HEATR1: variants seen among roughly 807,000 people sequenced by gnomAD.
HEATR1 encodes the protein HEAT repeat-containing protein 1.
HEATR1 carries 77 observed loss-of-function variants against 248.2 expected under a neutral mutation model. The observed-to-expected ratio is 0.31, with a 90% CI of 0.26 to 0.37. The LOEUF (loss-of-function observed/expected upper bound fraction) is 0.37. Among genes scored for constraint, HEATR1 ranks in the 10% least tolerant of loss-of-function variants. The pLI is 1.00. For synonymous variants in HEATR1, 897 were observed against 923.1 expected, an observed-to-expected ratio of 0.97 and a Z score of 0.51; for missense variants, 2,420 against 2,504.9, an observed-to-expected ratio of 0.97 and a Z score of 0.72.
chr1:236,558,501 T>G lies in HEATR1; in HGVS notation c.4940A>C (p.Asp1647Ala). The G allele has an allele frequency of 6.2e-7, 1 of 1,613,354 alleles. No individual in the cohort carries two copies. The highest frequency in any genetic ancestry group is 8.5e-7 in the Non-Finnish European group (1 of 1,179,392). Residue 1647 changes from aspartate to alanine, a missense_variant, in exon 36 of 45, where the codon GAC (aspartate) becomes GCC (alanine). Coordinates refer to ENST00000366582, the MANE Select transcript of HEATR1 (RefSeq NM_018072.6). ...CTTACGCTGCACAATGGCCAAAAGG[T>G]CTGGAACCAGTTTTAGGAAACGGGT... Reference protein sequence around the residue: ...IVTRFLKLVPDLLAIVQRKKK... With the variant: ...IVTRFLKLVPALLAIVQRKKK...
rs115889169 is a variant in HEATR1 at position 236,576,061 on chromosome 1, T to C, written c.3084+158A>G. 5.1e-3 allele frequency among the ~76,000 whole-genome samples: 784 copies of C among 152,300 alleles called. 4 individuals carry two copies. The highest frequency in any genetic ancestry group is 0.018 in the African/African-American group (753 of 41,562). ...TGTCTTTGTATCTTGTATCTGTTTT[T>C]CTCTACCTCAACTCATCCCCCTCTC... is the stretch of plus-strand genomic sequence containing the variant. On this transcript the variant is annotated intron_variant, in intron 22 of 44. Coordinates refer to ENST00000366582, the MANE Select transcript of HEATR1 (RefSeq NM_018072.6).
intron 22 of HEATR1, 82 bp from the exon 23 acceptor site, chr1:236,574,985 C>A: frequency 2.2e-6 from 3 of 1,350,392 alleles, no homozygotes; most frequent in Non-Finnish European, 3.0e-6. Flanking sequence ...TCAAAGCCTG[C>A]TGGAAGATGG....
At chr1:236,555,698 C>T (rs750941031) in intron 39 of HEATR1, 43 bp from the exon 40 acceptor site, 1 of 1,608,076 alleles carries the variant, frequency 6.2e-7, no homozygotes, top group Non-Finnish European at 8.5e-7. Flanking sequence ...TGATACCTGA[C>T]TGTAAATTAT....
chr1:236,585,889 T>G lies in HEATR1; in HGVS notation c.1980A>C (p.Ala660=), dbSNP rs1289975488. ...STKPGKLIGV[A]NQKMIELLAD... ...CCAACAACTCAATCATCTTCTGATT[T>G]GCTACACCGATTAGTTTTCCTGGCT... The change falls in exon 16 of 45, where the codon GCA becomes GCC. Residue 660 remains alanine, a synonymous_variant. Transcript: ENST00000366582. The G allele has an allele frequency of 6.2e-7, 1 of 1,613,224 alleles. No homozygotes were observed. Among genetic ancestry groups the G allele is most frequent in the South Asian group, 1.1e-5 (1 of 91,046 alleles).
rs1453115990 is a variant in HEATR1, at chr1:236,595,981, C to T, written c.808G>A (p.Val270Met). The change falls in exon 7 of 45, where the codon GTG becomes ATG. Residue 270 changes from valine to methionine, a missense_variant. Val to Met is a conservative substitution (Grantham distance 21). Coordinates refer to ENST00000366582, the MANE Select transcript of HEATR1 (RefSeq NM_018072.6). Reference sequence around the variant, plus strand: ...AAGGTATTTTCCATGGTCACTTTCACAGAAATCTGACATATTATCATGTAT... The same window carrying T: ...AAGGTATTTTCCATGGTCACTTTCATAGAAATCTGACATATTATCATGTAT... ...ATYMIICQIS[V>M]KVTMENTFVN... is the part of the protein sequence containing the mutation. 4 of 1,613,702 alleles carry T rather than the reference C, an allele frequency of 2.5e-6. No homozygotes were observed. Among genetic ancestry groups the T allele is most frequent in the Non-Finnish European group, 3.4e-6 (4 of 1,179,824 alleles).
Position 236,604,065 on chromosome 1 carries a change from G to A in HEATR1, c.31C>T (p.Leu11Phe), listed in dbSNP as rs1239162508. The A allele has an allele frequency of 1.9e-6, 3 of 1,580,974 alleles. No individual in the cohort carries two copies. Among genetic ancestry groups the A allele is most frequent in the African/African-American group, 1.4e-5 (1 of 72,500 alleles). ...CTGGCATCACTTTGAGGGAGGGCGA[G>A]TCGTTGCAGCTGCTGGGCTAAGGAC... is the stretch of plus-strand genomic sequence containing the variant. MTSLAQQLQR[L>F]ALPQSDASLL... Residue 11 changes from leucine (L) to phenylalanine (F), a missense_variant, in exon 2 of 45, where the codon CTC (leucine) becomes TTC (phenylalanine). Physicochemically the swap from Leu to Phe is conservative, Grantham distance 22 (BLOSUM62 0). Coordinates refer to ENST00000366582, the MANE Select transcript of HEATR1 (RefSeq NM_018072.6).
chr1:236,580,888 C>T (rs1208357386), intron 20 of HEATR1, among the ~76,000 whole-genome samples: 2 of 140,948 alleles, frequency 1.4e-5, no homozygotes, highest in Non-Finnish European at 3.0e-5. Flanking sequence ...GGCACAATCT[C>T]GGCTCACTGC....
At chr1:236,577,189 A>G (rs1004619615) in intron 20 of HEATR1, among the ~76,000 whole-genome samples, 1 of 132,660 alleles carries the variant, frequency 7.5e-6, no homozygotes, top group Non-Finnish European at 1.6e-5. Flanking sequence ...GCTATCACAT[A>G]TGAGCTGGAC....
intron 22 of HEATR1, among the ~76,000 whole-genome samples, chr1:236,575,951 A>G (rs1663551721): frequency 6.6e-6 from 1 of 152,208 alleles, no homozygotes; most frequent in Admixed American, 6.5e-5. Flanking sequence ...GAGACACGAG[A>G]CTGTTAAGTT....
chr1:236,557,087 T>C (rs1662997749), intron 37 of HEATR1, 108 bp downstream of exon 37: 1 of 1,161,220 alleles, frequency 8.6e-7, no homozygotes, highest in East Asian at 2.6e-5. Context: ...AAGACTCCTT[T>C]CTGTCAAACG....
At chr1:236,597,699 TAAAA>T (rs5781901) in intron 5 of HEATR1, among the ~76,000 whole-genome samples, 175 bp downstream of exon 5, 1 of 146,300 alleles carries the variant, frequency 6.8e-6, no homozygotes. Flanking sequence ...GACTGATTCT[TAAAA>T]AAAAAAAAAA....
chr1:236,574,950 GT>G, intron 22 of HEATR1, 47 bp from the exon 23 acceptor site: 2 of 1,570,922 alleles, frequency 1.3e-6, no homozygotes, highest in Non-Finnish European at 1.7e-6. Context: ...ATACTGATAT[GT>G]TTTTGCTCAC....
chr1:236,598,779 T>A (rs1180628654), intron 4 of HEATR1, among the ~76,000 whole-genome samples: 2 of 152,110 alleles, frequency 1.3e-5, no homozygotes, highest in Non-Finnish European at 2.9e-5. Context: ...CTTACCTTCA[T>A]CCCCATTTGC....
chr1:236,574,350 A>C lies in HEATR1; in HGVS notation c.3328-17T>G. 1 of 1,600,288 alleles carries C rather than the reference A, an allele frequency of 6.2e-7. No homozygotes were observed. The highest frequency in any genetic ancestry group is 8.5e-7 in the Non-Finnish European group (1 of 1,176,542). On this transcript the variant is annotated splice_polypyrimidine_tract_variant and intron_variant, in intron 23 of 44. Coordinates refer to ENST00000366582, the MANE Select transcript of HEATR1 (RefSeq NM_018072.6). Reference sequence around the variant, plus strand: ...TTTTGTAATCTAGAGGGGGTAGAAAAAAGGCAACTGAGTTCAGTGAACAAG... The same window carrying C: ...TTTTGTAATCTAGAGGGGGTAGAAACAAGGCAACTGAGTTCAGTGAACAAG...
In HEATR1 at chr1:236,604,027, T is replaced by C. The variant is rs777809851; in HGVS notation, c.69A>G (p.Arg23=). ...CAAATAACAAAGAAGCAACTTCATC[T>C]CTAGATAAGAGGCTGGCATCACTTT... ...LPQSDASLLS[R]DEVASLLFDP... is the part of the protein sequence containing the mutation. The change falls in exon 2 of 45, where the codon AGA becomes AGG. Residue 23 remains arginine (R), a synonymous_variant. Coordinates refer to ENST00000366582, the MANE Select transcript of HEATR1 (RefSeq NM_018072.6). 2 of 1,598,808 alleles carry C rather than the reference T, an allele frequency of 1.3e-6. No individual in the cohort carries two copies. Among genetic ancestry groups the C allele is most frequent in the Non-Finnish European group, 1.7e-6 (2 of 1,174,468 alleles).
chr1:236,595,875 A>G lies in HEATR1; in HGVS notation c.914T>C (p.Ile305Thr). 3 of 1,614,096 alleles carry G rather than the reference A, an allele frequency of 1.9e-6. No homozygotes were observed. Among genetic ancestry groups the G allele is most frequent in the Non-Finnish European group, 2.5e-6 (3 of 1,179,966 alleles). ...TGGCTTCTGTCTCTGCAGGAGCACT[A>G]TCAAGCAACTTAACCCATCCTTGAT... is the stretch of plus-strand genomic sequence containing the variant. ...SLIKDGLSCL[I>T]VLLQRQKPES... The change falls in exon 7 of 45, where the codon ATA becomes ACA. Residue 305 changes from isoleucine (I) to threonine (T), a missense_variant. Physicochemically the swap from Ile to Thr is moderately conservative, Grantham distance 89. Coordinates refer to ENST00000366582, the MANE Select transcript of HEATR1 (RefSeq NM_018072.6).
At chr1:236,556,333 C>T (rs1418211389) in intron 37 of HEATR1, 75 bp from the exon 38 acceptor site, 1 of 1,448,972 alleles carries the variant, frequency 6.9e-7, no homozygotes, top group Non-Finnish European at 9.6e-7. Flanking sequence ...AGAGAGGCTT[C>T]ATGATGAGGT....
intron 3 of HEATR1, 136 bp downstream of exon 3, chr1:236,603,024 C>T (rs1485630719): frequency 3.2e-6 from 2 of 633,838 alleles, no homozygotes; most frequent in Non-Finnish European, 5.5e-6. Flanking sequence ...GCATGCTTAT[C>T]TCACACAATG....
In HEATR1 at chr1:236,596,994, A is replaced by G; in HGVS notation, c.604-18T>C. ...GCAAAAACCTGAAACAAGGAACACA[A>G]ACAAAACACATTTAACAGTGAAAGG... On this transcript the variant is annotated intron_variant, in intron 5 of 44. Transcript: ENST00000366582. 6.2e-7 allele frequency: 1 copy of G among 1,608,268 alleles called. No homozygotes were observed. The highest frequency in any genetic ancestry group is 8.5e-7 in the Non-Finnish European group (1 of 1,178,140).
Sources: allele counts gnomAD v4.1 joint callset (sites outside exome capture counted in the v4.1 genomes callset), GRCh38; gene constraint gnomAD v4.1.1; transcripts MANE v1.5; gene names NCBI Gene and HGNC (gene_info 2026-07-23, HGNC 2026-07-21).